The following LRIF1 variants were observed in gnomAD, a reference collection of about 807,000 sequenced individuals.
LRIF1 encodes the protein ligand dependent nuclear receptor interacting factor 1.
LRIF1 carries 32 observed loss-of-function variants against 52.7 expected under a neutral mutation model. The ratio of observed to expected loss-of-function variants is 0.61; its 90% CI spans 0.46 to 0.82. The LOEUF is 0.82. LRIF1 is among the 40% of genes least tolerant of loss of function. The pLI is 0.00. For synonymous variants in LRIF1, 323 were observed against 317.4 expected, an observed-to-expected ratio of 1.02 and a Z score of -0.19; for missense variants, 887 against 892.0, an observed-to-expected ratio of 0.99 and a Z score of 0.07.
chr1:110,890,841 A>G, the LRIF1 span, among the ~76,000 whole-genome samples: 2 of 152,238 alleles, frequency 1.3e-5, no homozygotes, highest in African/African-American at 2.4e-5. Context: ...ATCTTCCACA[A>G]CATCTAGAAC....
At chr1:110,876,330 T>A in the LRIF1 span, among the ~76,000 whole-genome samples, 1 of 152,228 alleles carries the variant, frequency 6.6e-6, no homozygotes, top group African/African-American at 2.4e-5. Flanking sequence ...TTTTATTAAG[T>A]AAGCATCATT....
chr1:110,930,449 C>A, the LRIF1 span, among the ~76,000 whole-genome samples: 1 of 152,144 alleles, frequency 6.6e-6, no homozygotes, highest in Non-Finnish European at 1.5e-5. Flanking sequence ...TCCCCGCTTG[C>A]AGATGCCTAC....
chr1:110,944,044 G>T (rs931761440), downstream of LRIF1: 1 of 152,180 alleles, frequency 6.6e-6, no homozygotes. Flanking sequence ...GTTTTAAAAG[G>T]ATCACTCTGA....
chr1:110,907,668 A>G, the LRIF1 span, among the ~76,000 whole-genome samples: 5 of 152,200 alleles, frequency 3.3e-5, no homozygotes, highest in African/African-American at 9.7e-5. Flanking sequence ...CGGGATGCAG[A>G]GGTTGCAGTG....
the LRIF1 span, among the ~76,000 whole-genome samples, chr1:110,901,950 C>T: frequency 3.3e-5 from 5 of 152,204 alleles, no homozygotes; most frequent in Admixed American, 1.3e-4. Flanking sequence ...GTCTTTAACT[C>T]TAGCCTGTCC....
At chr1:110,893,162 A>G in the LRIF1 span, among the ~76,000 whole-genome samples, 1 of 152,216 alleles carries the variant, frequency 6.6e-6, no homozygotes, top group South Asian at 2.1e-4. Flanking sequence ...ACTGAGCTCT[A>G]CATTTCTGTA....
At chr1:110,918,508 A>C in the LRIF1 span, among the ~76,000 whole-genome samples, 1 of 152,190 alleles carries the variant, frequency 6.6e-6, no homozygotes, top group Non-Finnish European at 1.5e-5. Flanking sequence ...GAAAGAAAAA[A>C]ACTCAGGAGA....
At chr1:110,958,291 C>A (rs1658795318) in intron 1 of LRIF1, among the ~76,000 whole-genome samples, 1 of 152,172 alleles carries the variant, frequency 6.6e-6, no homozygotes, top group Non-Finnish European at 1.5e-5. Flanking sequence ...TCTTCTCCAA[C>A]AATATAAAAT....
the LRIF1 span, chr1:110,894,210 G>A: frequency 3.8e-6 from 3 of 798,850 alleles, no homozygotes; most frequent in East Asian, 2.5e-5. Context: ...ACGGCCTGAG[G>A]AGGCAGAACA....
intron 1 of LRIF1, among the ~76,000 whole-genome samples, chr1:110,954,854 C>T (rs370175286): frequency 5.3e-5 from 8 of 152,196 alleles, no homozygotes; most frequent in African/African-American, 1.9e-4. Context: ...CCTCAGTCTT[C>T]TTTGCCAACT....
At chr1:110,884,636 G>A in the LRIF1 span, among the ~76,000 whole-genome samples, 1 of 151,812 alleles carries the variant, frequency 6.6e-6, no homozygotes, top group Non-Finnish European at 1.5e-5. Flanking sequence ...ATTTTGACTA[G>A]GTGCAAAAAC....
At chr1:110,943,017 G>A (rs938132313), downstream of LRIF1, among the ~76,000 whole-genome samples, 1 of 152,042 alleles carries the variant, frequency 6.6e-6, no homozygotes, top group Admixed American at 6.6e-5. Flanking sequence ...GAGAAGGGGA[G>A]GAACTAGCCA....
intron 1 of LRIF1, among the ~76,000 whole-genome samples, chr1:110,955,727 T>C (rs1658669204): frequency 6.6e-6 from 1 of 151,982 alleles, no homozygotes; most frequent in South Asian, 2.1e-4. Flanking sequence ...AAACTTTGAC[T>C]GTCAAGGGGA....
At chr1:110,959,592 A>G (rs1004837743) in intron 1 of LRIF1, among the ~76,000 whole-genome samples, 3 of 152,116 alleles carry the variant, frequency 2.0e-5, no homozygotes, top group African/African-American at 7.2e-5. Flanking sequence ...TCTACTAAAA[A>G]TACAAAAATT....
In LRIF1 at chr1:110,963,046, C is replaced by A. The variant is rs139909151; in HGVS notation, c.68+575G>T. The stretch of plus-strand genomic sequence containing the variant: ...CAATGAAATGGCACTTCATTACACC[C>A]TACTTCAAAAAGGCTGTTCAAAAGG... On this transcript the variant is annotated intron_variant, in intron 1 of 3. Coordinates refer to ENST00000369763, the MANE Select transcript of LRIF1 (RefSeq NM_018372.4). Among the ~76,000 whole-genome samples, 62 of 152,314 alleles carry A rather than the reference C, an allele frequency of 4.1e-4. 1 individual carries two copies. The East Asian group carries it at 9.2e-3, about 23-fold the overall frequency.
the LRIF1 span, chr1:110,938,458 G>C: frequency 6.6e-6 from 1 of 152,084 alleles, no homozygotes; most frequent in African/African-American, 2.4e-5. Context: ...AGATAAAAAT[G>C]ATATGATCAT....
In LRIF1 at chr1:110,949,991, T is replaced by A. The variant is rs148116060; in HGVS notation, c.1729A>T (p.Thr577Ser). 1.2e-6 allele frequency: 2 copies of A among 1,614,166 alleles called. No individual in the cohort carries two copies. Among genetic ancestry groups the A allele is most frequent in the East Asian group, 4.5e-5 (2 of 44,866 alleles). The change falls in exon 3 of 4, where the codon ACT (threonine) becomes TCT (serine). Residue 577 changes from threonine (T) to serine (S), a missense_variant. Physicochemically the swap from Thr to Ser is moderately conservative, Grantham distance 58. Coordinates refer to ENST00000369763, the MANE Select transcript of LRIF1 (RefSeq NM_018372.4). The stretch of plus-strand genomic sequence containing the variant: ...GTAAGGCACACTCTCAAATCCTTAG[T>A]AAGGCCAAATATCTTTTTAAATTCA... The part of the protein sequence containing the change: ...DAEFKKIFGL[T>S]KDLRVCLTRI...
At position 110,947,214 on chromosome 1, in the gene LRIF1, T is replaced by C. The variant is rs1658234288; in HGVS notation, c.*745A>G. The C allele has an allele frequency of 6.6e-6, 1 of 152,136 alleles. No homozygotes were observed. The highest frequency in any genetic ancestry group is 1.5e-5 in the Non-Finnish European group (1 of 68,044). 9.4% of individuals were successfully genotyped at this position (152,136 alleles called of 1,614,324 possible). The stretch of plus-strand genomic sequence containing the variant: ...ATACACTTTTACAGTTTAAGAAATA[T>C]TAAATGTGATAACTGTTCAGGATCT... On this transcript the variant is annotated 3_prime_UTR_variant, in exon 4 of 4. Transcript: ENST00000369763.
chr1:110,956,690 C>T (rs1178462820), intron 1 of LRIF1, among the ~76,000 whole-genome samples: 2 of 152,110 alleles, frequency 1.3e-5, no homozygotes, highest in Non-Finnish European at 2.9e-5. Flanking sequence ...GAAAAGATCT[C>T]TGTAATAAAG....
Sources: gnomAD v4.1 joint callset for allele counts (sites outside exome capture counted in the v4.1 genomes callset) on GRCh38, gnomAD v4.1.1 for gene constraint, MANE v1.5 for transcripts, NCBI Gene and HGNC (gene_info 2026-07-23, HGNC 2026-07-21) for gene names.